The following ALPK3 variants were observed in gnomAD, a reference collection of about 807,000 sequenced individuals.
ALPK3 encodes alpha-protein kinase 3.
ALPK3 carries 102 observed loss-of-function variants against 140.0 expected under a neutral mutation model. The observed-to-expected ratio is 0.73, with a 90% CI of 0.62 to 0.86. The LOEUF (loss-of-function observed/expected upper bound fraction) is 0.86. Ranked by LOEUF, ALPK3 falls within the 40% of genes least tolerant of loss-of-function variation. ALPK3 has a pLI of 0.00. For synonymous variants in ALPK3, 938 were observed against 898.5 expected (o/e 1.04, Z -0.79); for missense variants, 2,254 against 2,208.2 (o/e 1.02, Z -0.42).
At chr15:84,820,224 C>T (rs950764859) in intron 1 of ALPK3, among the ~76,000 whole-genome samples, 1 of 152,136 alleles carries the variant, frequency 6.6e-6, no homozygotes, top group Non-Finnish European at 1.5e-5. Flanking sequence ...TTCTTGGAGG[C>T]CCTGGTCCAG....
chr15:84,827,385 A>G, intron 2 of ALPK3, 99 bp from the exon 3 acceptor site: 1 of 1,531,034 alleles, frequency 6.5e-7, no homozygotes. Flanking sequence ...CCACAGGAAG[A>G]TGGGCAGGCA....
Position 84,857,545 on chromosome 15 carries a change from G to A in ALPK3, c.2807G>A (p.Cys936Tyr), listed in dbSNP as rs777884466. The A allele has an allele frequency of 8.8e-6, 14 of 1,586,266 alleles. No homozygotes were observed. The highest frequency in any genetic ancestry group is 1.2e-5 in the Non-Finnish European group (14 of 1,165,492). The change falls in exon 6 of 14, where the codon TGC becomes TAC. Residue 936 changes from cysteine to tyrosine, a missense_variant. By Grantham distance (194) the Cys-to-Tyr change is radical. This residue lies in a region of ALPK3 where 2,088 missense variants were observed against 2,022.9 expected (regional missense o/e 1.03). Transcript: ENST00000258888. ...ETMATSSEGA[C>Y]AQVPDVEGRT... ...ATGGCCACCAGCAGTGAGGGGGCCT[G>A]CGCCCAGGTACCAGATGTGGAGGGG...
rs1371514314 is a variant in ALPK3 at position 84,857,096 on chromosome 15, T to C, written c.2358T>C (p.His786=). 3 of 1,614,154 alleles carry C rather than the reference T, an allele frequency of 1.9e-6. No homozygotes were observed. The highest frequency in any genetic ancestry group is 2.5e-6 in the Non-Finnish European group (3 of 1,180,014). ...EEAVVTASRN[H]EQTVLGPLSG... is the part of the protein sequence containing the mutation. ...CAGTAGTAACAGCCTCCAGGAACCA[T>C]GAGCAAACTGTGCTGGGTCCCCTGT... is the stretch of plus-strand genomic sequence containing the variant. The change falls in exon 6 of 14, where the codon CAT becomes CAC. Residue 786 remains histidine, a synonymous_variant. Coordinates refer to ENST00000258888, the MANE Select transcript of ALPK3 (RefSeq NM_020778.5).
chr15:84,839,123 C>A, intron 4 of ALPK3, 26 bp downstream of exon 4: 1 of 1,574,612 alleles, frequency 6.4e-7, no homozygotes, highest in South Asian at 1.1e-5. Context: ...CTGTTTTGCT[C>A]TCTCTGCCCT....
Position 84,840,014 on chromosome 15 carries a change from G to T in ALPK3, c.735G>T (p.Gly245=), listed in dbSNP as rs1328132529. Residue 245 remains glycine (G), a synonymous_variant, in exon 5 of 14, where the codon GGG becomes GGT. Coordinates refer to ENST00000258888, the MANE Select transcript of ALPK3 (RefSeq NM_020778.5). ...PSVPTREPEG[G]TLAAWQEGET... ...TCCCTACCAGGGAGCCTGAGGGTGG[G>T]ACCCTGGCGGCTTGGCAGGAGGGAG... 1 of 1,613,846 alleles carries T rather than the reference G, an allele frequency of 6.2e-7. No homozygotes were observed. Among genetic ancestry groups the T allele is most frequent in the Non-Finnish European group, 8.5e-7 (1 of 1,179,868 alleles).
In ALPK3 at chr15:84,868,229, G is replaced by T; in HGVS notation, c.4891G>T (p.Ala1631Ser). The T allele has an allele frequency of 6.2e-7, 1 of 1,614,168 alleles. No homozygotes were observed. Among genetic ancestry groups the T allele is most frequent in the South Asian group, 1.1e-5 (1 of 91,090 alleles). ...GLTPLKGPEA[A>S]HPQAKAKGSK... ...GACACCTCTCAAGGGCCCGGAGGCG[G>T]CCCACCCCCAAGCCAAAGCCAAAGG... Residue 1631 changes from alanine to serine, a missense_variant, in exon 14 of 14, where the codon GCC becomes TCC. Ala to Ser is a moderately conservative substitution (Grantham distance 99). Transcript: ENST00000258888.
intron 5 of ALPK3, among the ~76,000 whole-genome samples, chr15:84,850,879 T>TACAC (rs4040516): frequency 0.055 from 7,788 of 142,382 alleles, 220 homozygotes; most frequent in East Asian, 0.094. Context: ...GTTCCAGATA[T>TACAC]ACACACACAC....
chr15:84,856,628 C>G lies in ALPK3; in HGVS notation c.1890C>G (p.Ala630=). The G allele has an allele frequency of 6.2e-7, 1 of 1,613,964 alleles. No individual in the cohort carries two copies. The highest frequency in any genetic ancestry group is 8.5e-7 in the Non-Finnish European group (1 of 1,179,994). ...GRTRGDGTQT[A]QRTRADRKTQ... is the part of the protein sequence containing the mutation. ...CCAGGGGAGATGGAACACAGACAGC[C>G]CAGAGGACACGTGCAGATAGGAAGA... The change falls in exon 6 of 14, where the codon GCC becomes GCG. Residue 630 remains alanine (A), a synonymous_variant. Transcript: ENST00000258888.
intron 3 of ALPK3, among the ~76,000 whole-genome samples, chr15:84,833,572 C>G (rs1963566949): frequency 1.3e-5 from 2 of 152,178 alleles, no homozygotes; most frequent in South Asian, 4.1e-4. Context: ...TCCAGAGTGA[C>G]CATACGTGCA....
chr15:84,834,238 C>G (rs1963576407), intron 3 of ALPK3, among the ~76,000 whole-genome samples: 1 of 152,050 alleles, frequency 6.6e-6, no homozygotes, highest in African/African-American at 2.4e-5. Context: ...GCTGTGTGAC[C>G]CTGGGTGTTA....
chr15:84,849,703 T>C (rs1206376998), intron 5 of ALPK3, among the ~76,000 whole-genome samples: 1 of 152,090 alleles, frequency 6.6e-6, no homozygotes, highest in African/African-American at 2.4e-5. Context: ...CATTTTAAAT[T>C]GAATGAAAGT....
chr15:84,862,774 C>T lies in ALPK3; in HGVS notation c.4269C>T (p.Ala1423=). 6.2e-7 allele frequency: 1 copy of T among 1,614,134 alleles called. No homozygotes were observed. The highest frequency in any genetic ancestry group is 8.5e-7 in the Non-Finnish European group (1 of 1,180,032). Residue 1423 remains alanine, a synonymous_variant, in exon 10 of 14, where the codon GCC becomes GCT. Coordinates refer to ENST00000258888, the MANE Select transcript of ALPK3 (RefSeq NM_020778.5). ...GATATGGGTGTGGCCTTCGGAAGGC[C>T]TCCCAGGCCAAGGTCATCTACGGGC... is the stretch of plus-strand genomic sequence containing the variant. The part of the protein sequence containing the change: ...GGGYGCGLRK[A]SQAKVIYGLE...
At chr15:84,862,985 T>C in intron 10 of ALPK3, 70 bp downstream of exon 10, 1 of 1,557,906 alleles carries the variant, frequency 6.4e-7, no homozygotes, top group Non-Finnish European at 8.7e-7. Flanking sequence ...GCCCAGGTCC[T>C]GTTAGGATGC....
Position 84,847,669 on chromosome 15 carries a change from A to C in ALPK3, c.1653+6737A>C, listed in dbSNP as rs377031759. Among the ~76,000 whole-genome samples the C allele has an allele frequency of 1.1e-4, 17 of 152,366 alleles. 1 individual carries two copies. The highest frequency in any genetic ancestry group is 7.7e-4 in the East Asian group (4 of 5,192). ...AAGAACTTTCAACCTATAATTCTACATTTAGCAAAAATATCTTTAAGTATT... is the reference window on the plus strand; with the variant it reads ...AAGAACTTTCAACCTATAATTCTACCTTTAGCAAAAATATCTTTAAGTATT... On this transcript the variant is annotated intron_variant, in intron 5 of 13. Coordinates refer to ENST00000258888, the MANE Select transcript of ALPK3 (RefSeq NM_020778.5).
intron 5 of ALPK3, among the ~76,000 whole-genome samples, chr15:84,844,895 C>G (rs1184558303): frequency 6.6e-6 from 1 of 152,048 alleles, no homozygotes; most frequent in Non-Finnish European, 1.5e-5. Context: ...AATGAACCAA[C>G]TAGAATTCCA....
Position 84,839,780 on chromosome 15 carries a change from G to C in ALPK3, c.501G>C (p.Leu167=). 1 of 1,614,172 alleles carries C rather than the reference G, an allele frequency of 6.2e-7. No individual in the cohort carries two copies. ...GCATTGTGTCCTGCTCAGGGGTCCT[G>C]GAGGTGGGCACCATGACTGAGTACA... is the stretch of plus-strand genomic sequence containing the variant. ...SKGIVSCSGV[L]EVGTMTEYKI... Residue 167 remains leucine (L), a synonymous_variant, in exon 5 of 14, where the codon CTG becomes CTC. Transcript: ENST00000258888.
chr15:84,864,342 G>GA (rs1326265748), intron 11 of ALPK3, 100 bp from the exon 12 acceptor site: 37 of 1,248,158 alleles, frequency 3.0e-5, no homozygotes, highest in Non-Finnish European at 4.0e-5. Context: ...TACATTCTTG[G>GA]AAGGGCCCTT....
chr15:84,826,430 C>A (rs1009207995), intron 2 of ALPK3, among the ~76,000 whole-genome samples: 1 of 152,160 alleles, frequency 6.6e-6, no homozygotes, highest in Non-Finnish European at 1.5e-5. Context: ...CCCTCACAGT[C>A]CTCTCTGCCG....
intron 10 of ALPK3, 89 bp downstream of exon 10, chr15:84,863,004 G>A (rs1414218606): frequency 1.1e-5 from 16 of 1,506,642 alleles, no homozygotes; most frequent in Admixed American, 1.9e-5. Flanking sequence ...GCCCAGTATC[G>A]AGGCAGAAGG....
Sources: gnomAD v4.1 joint callset for allele counts (sites outside exome capture counted in the v4.1 genomes callset) on GRCh38, gnomAD v4.1.1 for gene constraint, gnomAD v4.1.1 regional missense constraint, MANE v1.5 for transcripts, NCBI Gene and HGNC (gene_info 2026-07-23, HGNC 2026-07-21) for gene names.